The following C8orf88 variants were observed in gnomAD, a reference collection of about 807,000 sequenced individuals.
The protein encoded by C8orf88 is chromosome 8 open reading frame 88, also known as uncharacterized protein C8orf88.
In C8orf88, 14 loss-of-function variants were observed where a neutral mutation model predicts 18.4. The observed-to-expected ratio is 0.76, with a 90% CI of 0.50 to 1.19. The LOEUF is 1.19. Among genes scored for constraint, C8orf88 ranks in the 50% most tolerant of loss-of-function variants. The pLI is 0.00. For missense variants in C8orf88, 116 were observed against 134.7 expected (o/e 0.86, Z 0.69); for synonymous variants, 45 against 42.9 (o/e 1.05, Z -0.19).
Position 90,980,111 on chromosome 8 carries a change from A to G in C8orf88, c.73+252T>C, listed in dbSNP as rs58526348. Among the ~76,000 whole-genome samples, 1,492 of 152,316 alleles carry G rather than the reference A, an allele frequency of 9.8e-3. 23 individuals are homozygous for G. The highest frequency in any genetic ancestry group is 0.034 in the African/African-American group (1,431 of 41,542). ...CAGAAGCCAGAAGCCTACAAAAATGAGACATGAGAAAAAACACACACACAG... is the reference window on the plus strand; with the variant it reads ...CAGAAGCCAGAAGCCTACAAAAATGGGACATGAGAAAAAACACACACACAG... On this transcript the variant is annotated intron_variant, in intron 2 of 5. Coordinates refer to ENST00000517562, the MANE Select transcript of C8orf88 (RefSeq NM_001190972.2).
Position 90,971,142 on chromosome 8 carries a change from C to G in C8orf88, c.148-1G>C. Reference sequence around the variant, plus strand: ...AGGCTTGCATTCCATTCGTCTTACACTGTTAAACATGAAGAAAATAAACTT... The same window carrying G: ...AGGCTTGCATTCCATTCGTCTTACAGTGTTAAACATGAAGAAAATAAACTT... On this transcript the variant is annotated splice_acceptor_variant, in intron 3 of 5. Coordinates refer to ENST00000517562, the MANE Select transcript of C8orf88 (RefSeq NM_001190972.2). LOFTEE classifies it high-confidence loss of function. 1 of 1,478,306 alleles carries G rather than the reference C, an allele frequency of 6.8e-7. No homozygotes were observed. The highest frequency in any genetic ancestry group is 9.0e-7 in the Non-Finnish European group (1 of 1,116,518). The allele number at this position is 1,478,306 out of a possible 1,614,324, so 91.6% of individuals were successfully genotyped here.
At chr8:90,976,519 G>T (rs986242083) in intron 3 of C8orf88, among the ~76,000 whole-genome samples, 4 of 152,018 alleles carry the variant, frequency 2.6e-5, no homozygotes, top group Non-Finnish European at 5.9e-5. Context: ...TTAAGGAAAT[G>T]TTAGCTGCTA....
intron 3 of C8orf88, among the ~76,000 whole-genome samples, chr8:90,975,870 A>G (rs1034669462): frequency 6.6e-6 from 1 of 151,740 alleles, no homozygotes; most frequent in African/African-American, 2.4e-5. Flanking sequence ...ATACAATCCA[A>G]TGTTGTCAAC....
rs940918417 is a variant in C8orf88, at chr8:90,978,603, C to G, written c.123G>C (p.Gln41His). The change falls in exon 3 of 6, where the codon CAG (glutamine) becomes CAC (histidine). Residue 41 changes from glutamine (Q) to histidine (H), a missense_variant. By Grantham distance (24) the Gln-to-His change is conservative. Coordinates refer to ENST00000517562, the MANE Select transcript of C8orf88 (RefSeq NM_001190972.2). ...NFQNEYPCNT[Q>H]CIQSGVSRCK... is the part of the protein sequence containing the mutation. The stretch of plus-strand genomic sequence containing the variant: ...CTCTGCTAACTCCACTTTGTATGCA[C>G]TGAGTGTTGCATGGATATTCGTTTT... 9.8e-5 allele frequency: 150 copies of G among 1,529,142 alleles called. No homozygotes were observed. The highest frequency in any genetic ancestry group is 1.3e-4 in the Non-Finnish European group (146 of 1,143,234). The allele number at this position is 1,529,142 out of a possible 1,614,324, so 94.7% of individuals were successfully genotyped here. A position where few individuals can be genotyped will look rare whatever the true frequency, so the allele number is the denominator to read the frequency against.
At chr8:90,970,186 T>C (rs1811263633) in intron 4 of C8orf88, among the ~76,000 whole-genome samples, 1 of 151,984 alleles carries the variant, frequency 6.6e-6, no homozygotes, top group African/African-American at 2.4e-5. Context: ...AACACTTTAA[T>C]TGAAACTTGT....
rs1266354314 is a variant in C8orf88 at position 90,971,033 on chromosome 8, A to T, written c.223+33T>A. ...CTTTATATGAATGCTAAGACATTCA[A>T]TGATAAAATTGGGAATTATGATAAA... On this transcript the variant is annotated intron_variant, in intron 4 of 5. Coordinates refer to ENST00000517562, the MANE Select transcript of C8orf88 (RefSeq NM_001190972.2). 2.8e-5 allele frequency: 36 copies of T among 1,284,096 alleles called. 1 individual carries two copies. The Middle Eastern group carries it at 7.4e-4, about 26-fold the overall frequency. The allele number at this position is 1,284,096 out of a possible 1,614,324, so 79.5% of individuals were successfully genotyped here.
intron 1 of C8orf88, among the ~76,000 whole-genome samples, chr8:90,982,442 C>A (rs1586167541): frequency 6.6e-6 from 1 of 152,072 alleles, no homozygotes; most frequent in African/African-American, 2.4e-5. Context: ...AATCAGAATA[C>A]AATAGGATAG....
rs76485646 is a variant in C8orf88 at position 90,974,038 on chromosome 8, A to G, written c.148-2897T>C. On this transcript the variant is annotated intron_variant, in intron 3 of 5. Coordinates refer to ENST00000517562, the MANE Select transcript of C8orf88 (RefSeq NM_001190972.2). ...GAAAACAATTTTTTAAAAAATAAAA[A>G]AGCCTATAGAAGAGAATGGGCAAAG... Among the ~76,000 whole-genome samples, 600 of 152,268 alleles carry G rather than the reference A, an allele frequency of 3.9e-3. 4 individuals are homozygous for G. Among genetic ancestry groups the G allele is most frequent in the African/African-American group, 0.014 (571 of 41,574 alleles).
At chr8:90,971,268 T>C (rs550182681) in intron 3 of C8orf88, 127 bp from the exon 4 acceptor site, 2 of 426,540 alleles carry the variant, frequency 4.7e-6, no homozygotes, top group South Asian at 1.4e-4. Flanking sequence ...TAAGCAATCA[T>C]TATAAGTCTG....
intron 1 of C8orf88, 94 bp downstream of exon 1, chr8:90,985,020 G>A (rs927457927): frequency 3.9e-5 from 6 of 152,498 alleles, no homozygotes; most frequent in African/African-American, 1.4e-4. Flanking sequence ...ACTTTCCCGG[G>A]GTCGGGCCTG....
At chr8:90,964,175 C>G (rs1349611865) in intron 4 of C8orf88, among the ~76,000 whole-genome samples, 1 of 151,564 alleles carries the variant, frequency 6.6e-6, no homozygotes, top group Non-Finnish European at 1.5e-5. Context: ...AGTAATCCCA[C>G]CATAAATTAA....
chr8:90,966,498 T>TATA (rs34167108), intron 4 of C8orf88, among the ~76,000 whole-genome samples: 70,329 of 140,530 alleles, frequency 0.5, 19,466 homozygotes, highest in Non-Finnish European at 0.63. Flanking sequence ...AAACTTAAAG[T>TATA]ATAATAATAA....
chr8:90,981,193 CTT>C (rs1359837502), intron 1 of C8orf88, among the ~76,000 whole-genome samples: 1 of 152,128 alleles, frequency 6.6e-6, no homozygotes, highest in African/African-American at 2.4e-5. Context: ...TAATTAATAA[CTT>C]TAACTCCTGT....
At chr8:90,979,393 A>C (rs1003920954) in intron 2 of C8orf88, among the ~76,000 whole-genome samples, 1 of 152,102 alleles carries the variant, frequency 6.6e-6, no homozygotes, top group Non-Finnish European at 1.5e-5. Context: ...ACCCTACACA[A>C]CCGCTTCCAC....
chr8:90,959,005 T>C lies in C8orf88; in HGVS notation c.*2A>G, dbSNP rs1401389742. ...AACTTAAATTCATCTGTTCTTAAAA[T>C]GCTACTTAAAACTTTGGTTGTTTTC... On this transcript the variant is annotated 3_prime_UTR_variant, in exon 6 of 6. Coordinates refer to ENST00000517562, the MANE Select transcript of C8orf88 (RefSeq NM_001190972.2). 7.1e-7 allele frequency: 1 copy of C among 1,411,504 alleles called. No individual in the cohort carries two copies. Among genetic ancestry groups the C allele is most frequent in the Non-Finnish European group, 9.5e-7 (1 of 1,055,404 alleles). The allele number at this position is 1,411,504 out of a possible 1,614,324, so 87.4% of individuals were successfully genotyped here. A position where few individuals can be genotyped will look rare whatever the true frequency, so the allele number is the denominator to read the frequency against.
intron 1 of C8orf88, among the ~76,000 whole-genome samples, chr8:90,982,608 T>C (rs1811449863): frequency 6.6e-6 from 1 of 152,136 alleles, no homozygotes; most frequent in Non-Finnish European, 1.5e-5. Flanking sequence ...TATATGACTT[T>C]GCAACACAAG....
In C8orf88 at chr8:90,975,505, C is replaced by T. The variant is rs927628447; in HGVS notation, c.147+3074G>A. On this transcript the variant is annotated intron_variant, in intron 3 of 5. Transcript: ENST00000517562. ...AAAAATTTTTTTAAAGAAAGAAAAACGGAAAGAAAAACAGATGTCAAAGAA... is the reference window on the plus strand; with the variant it reads ...AAAAATTTTTTTAAAGAAAGAAAAATGGAAAGAAAAACAGATGTCAAAGAA... Among the ~76,000 whole-genome samples, 7 of 151,526 alleles carry T rather than the reference C, an allele frequency of 4.6e-5. No homozygotes were observed. In the South Asian group the frequency reaches 8.3e-4, roughly 18 times the overall value.
chr8:90,977,524 A>G (rs925116218), intron 3 of C8orf88, among the ~76,000 whole-genome samples: 3 of 152,240 alleles, frequency 2.0e-5, no homozygotes, highest in African/African-American at 7.2e-5. Flanking sequence ...GTATAGTCAC[A>G]TATATTAAAA....
At chr8:90,969,008 C>T (rs1486960053) in intron 4 of C8orf88, among the ~76,000 whole-genome samples, 1 of 151,504 alleles carries the variant, frequency 6.6e-6, no homozygotes, top group African/African-American at 2.4e-5. Flanking sequence ...ACCCTAGTAC[C>T]TTGCAACTAA....
Sources: gnomAD v4.1 joint callset for allele counts (sites outside exome capture counted in the v4.1 genomes callset) on GRCh38, gnomAD v4.1.1 for gene constraint, MANE v1.5 for transcripts, NCBI Gene and HGNC (gene_info 2026-07-23, HGNC 2026-07-21) for gene names.